RBFOX1: variants seen among roughly 807,000 people sequenced by gnomAD.
The protein encoded by RBFOX1 is RNA binding protein fox-1 homolog 1.
In RBFOX1, 8 loss-of-function variants were observed where a neutral mutation model predicts 57.7. The ratio of observed to expected loss-of-function variants is 0.14; its 90% CI spans 0.08 to 0.25. The LOEUF (loss-of-function observed/expected upper bound fraction) is 0.25, where lower values mean the gene tolerates loss of function less well. Among genes scored for constraint, RBFOX1 ranks in the 10% least tolerant of loss-of-function variants. The pLI, the probability that RBFOX1 is intolerant of heterozygous loss-of-function variation, is 1.00. For synonymous variants in RBFOX1, 326 were observed against 222.4 expected (o/e 1.47, Z -4.15); for missense variants, 611 against 548.5 (o/e 1.11, Z -1.14).
intron 4 of RBFOX1, among the ~76,000 whole-genome samples, chr16:7,202,690 C>G (rs1056029740): frequency 7.2e-5 from 11 of 152,162 alleles, no homozygotes; most frequent in African/African-American, 2.4e-4. Context: ...GCAGCACAAA[C>G]TCTTTTGTGA....
chr16:7,419,337 C>T (rs1378677918), intron 4 of RBFOX1, among the ~76,000 whole-genome samples: 1 of 152,180 alleles, frequency 6.6e-6, no homozygotes, highest in Non-Finnish European at 1.5e-5. Context: ...CAAACACAGA[C>T]AGAAGCATAT....
At chr16:6,021,804 A>T (rs2152354477) in intron 1 of RBFOX1, among the ~76,000 whole-genome samples, 1 of 152,314 alleles carries the variant, frequency 6.6e-6, no homozygotes, top group South Asian at 2.1e-4. Flanking sequence ...TCACCTGTAA[A>T]ATCAGAGTTT....
At chr16:5,320,145 T>C (rs1293090123) in intron 1 of RBFOX1, among the ~76,000 whole-genome samples, 1 of 152,192 alleles carries the variant, frequency 6.6e-6, no homozygotes, top group African/African-American at 2.4e-5. Flanking sequence ...TATGAACATG[T>C]GTTTATGTGC....
chr16:6,556,994 TACATATATATAC>T (rs1391844216), intron 2 of RBFOX1, among the ~76,000 whole-genome samples: 3 of 42,796 alleles, frequency 7.0e-5, no homozygotes, highest in Non-Finnish European at 2.3e-4. Flanking sequence ...TATATATACA[TACATATATATAC>T]ATATATATAC....
At chr16:5,738,057 C>T (rs1439891194) in intron 3 of RBFOX1, among the ~76,000 whole-genome samples, 1 of 148,330 alleles carries the variant, frequency 6.7e-6, no homozygotes, top group Non-Finnish European at 1.5e-5. Context: ...TTCCCTGTGT[C>T]CATGTGTTCT....
intron 4 of RBFOX1, among the ~76,000 whole-genome samples, chr16:5,878,361 G>C (rs1188015615): frequency 1.3e-5 from 2 of 152,132 alleles, no homozygotes; most frequent in African/African-American, 2.4e-5. Flanking sequence ...ATGAACTTAG[G>C]AGAATGAGTA....
At chr16:7,386,024 C>T (rs939480941) in intron 4 of RBFOX1, among the ~76,000 whole-genome samples, 10 of 151,666 alleles carry the variant, frequency 6.6e-5, no homozygotes, top group East Asian at 1.9e-4. Flanking sequence ...CTCCTGACCT[C>T]GTGAACCACA....
chr16:6,800,967 A>T (rs770156776), intron 3 of RBFOX1, among the ~76,000 whole-genome samples: 16 of 152,150 alleles, frequency 1.1e-4, no homozygotes, highest in Non-Finnish European at 1.9e-4. Context: ...GTATCTGACA[A>T]CAGTGTGGGA....
chr16:5,453,778 TATA>T (rs1162438188), intron 1 of RBFOX1, among the ~76,000 whole-genome samples: 1 of 152,180 alleles, frequency 6.6e-6, no homozygotes, highest in Non-Finnish European at 1.5e-5. Context: ...TGCCTAAAAA[TATA>T]ATTGATATCC....
rs543497913 is a variant in RBFOX1, at chr16:6,950,714, A to G, written c.-15-101343A>G. Reference sequence around the variant, plus strand: ...AATGAAAAAAGAGTTGCTTAGGAGAACAATGCTGGGAAAGGGAGGAGATTT... The same window carrying G: ...AATGAAAAAAGAGTTGCTTAGGAGAGCAATGCTGGGAAAGGGAGGAGATTT... On this transcript the variant is annotated intron_variant, in intron 3 of 15. Transcript: ENST00000550418. Among the ~76,000 whole-genome samples the G allele has an allele frequency of 7.9e-5, 12 of 152,262 alleles. No individual in the cohort carries two copies. The East Asian group carries it at 2.3e-3, about 29-fold the overall frequency.
chr16:5,547,194 G>GT (rs1457598502), intron 2 of RBFOX1, among the ~76,000 whole-genome samples: 4 of 152,172 alleles, frequency 2.6e-5, no homozygotes, highest in Non-Finnish European at 5.9e-5. Flanking sequence ...CAGTTTGACA[G>GT]TTTTCTAACT....
At chr16:7,367,668 CAG>C (rs2097482120) in intron 4 of RBFOX1, among the ~76,000 whole-genome samples, 1 of 152,126 alleles carries the variant, frequency 6.6e-6, no homozygotes, top group Non-Finnish European at 1.5e-5. Flanking sequence ...AGTGGAGAAA[CAG>C]AGAACAAATG....
chr16:7,200,104 G>C (rs184811713), intron 4 of RBFOX1, among the ~76,000 whole-genome samples: 1 of 152,300 alleles, frequency 6.6e-6, no homozygotes, highest in East Asian at 1.9e-4. Context: ...TCAGGGACAT[G>C]AACACATAGC....
chr16:7,202,413 G>A (rs2088804099), intron 4 of RBFOX1, among the ~76,000 whole-genome samples: 1 of 151,994 alleles, frequency 6.6e-6, no homozygotes, highest in African/African-American at 2.4e-5. Context: ...GTGGAAGACA[G>A]CATGGAGATT....
intron 4 of RBFOX1, among the ~76,000 whole-genome samples, chr16:7,066,658 A>G (rs1240795437): frequency 1.3e-5 from 2 of 152,210 alleles, no homozygotes; most frequent in African/African-American, 2.4e-5. Context: ...TATAGCAGCA[A>G]TTATAGAAAT....
chr16:7,117,300 A>C (rs2066130037), intron 4 of RBFOX1, among the ~76,000 whole-genome samples: 1 of 152,156 alleles, frequency 6.6e-6, no homozygotes, highest in Non-Finnish European at 1.5e-5. Context: ...ATTTAATTAG[A>C]AAATTTTCAG....
intron 2 of RBFOX1, among the ~76,000 whole-genome samples, chr16:6,481,174 G>C (rs2095365854): frequency 6.6e-6 from 1 of 152,128 alleles, no homozygotes; most frequent in African/African-American, 2.4e-5. Flanking sequence ...TTCTTGGTTT[G>C]GGAGGTTGCA....
downstream of RBFOX1, chr16:5,601,204 TTGG>T (rs2047352974): frequency 6.6e-6 from 1 of 152,342 alleles, no homozygotes; most frequent in South Asian, 2.1e-4. Context: ...AGTGGTTTGC[TTGG>T]TGGTCTGGCT....
At chr16:5,979,995 C>A (rs902687107) in intron 4 of RBFOX1, among the ~76,000 whole-genome samples, 2 of 152,280 alleles carry the variant, frequency 1.3e-5, no homozygotes, top group Middle Eastern at 3.4e-3. Context: ...CAGACTCTTG[C>A]CTGCAGAAAC....
Sources: gnomAD v4.1 joint callset for allele counts (sites outside exome capture counted in the v4.1 genomes callset) on GRCh38, gnomAD v4.1.1 for gene constraint, MANE v1.5 for transcripts, NCBI Gene and HGNC (gene_info 2026-07-23, HGNC 2026-07-21) for gene names.